The following EYA1 variants were observed in gnomAD, a reference collection of about 807,000 sequenced individuals.
EYA1 encodes the protein protein phosphatase EYA1.
EYA1 carries 16 observed loss-of-function variants against 82.0 expected under a neutral mutation model. That is an observed-to-expected ratio of 0.20 (90% CI 0.13 to 0.30). EYA1 has a LOEUF of 0.30. Among genes scored for constraint, EYA1 ranks in the 10% least tolerant of loss-of-function variants. The pLI is 1.00. For missense variants in EYA1, 633 were observed against 730.7 expected, an observed-to-expected ratio of 0.87 and a Z score of 1.54; for synonymous variants, 261 against 264.4, an observed-to-expected ratio of 0.99 and a Z score of 0.12.
chr8:71,324,373 C>T (rs978450146), intron 4 of EYA1, among the ~76,000 whole-genome samples: 1 of 152,148 alleles, frequency 6.6e-6, no homozygotes, highest in Non-Finnish European at 1.5e-5. Context: ...TGAATTTCAG[C>T]TCAGATTCAA....
intron 11 of EYA1, among the ~76,000 whole-genome samples, chr8:71,245,251 G>C (rs1812938833): frequency 6.6e-6 from 1 of 151,370 alleles, no homozygotes; most frequent in Non-Finnish European, 1.5e-5. Flanking sequence ...TTTTGAGACA[G>C]AGTCTCGCTC....
At chr8:71,384,731 C>T (rs1203122987) in intron 2 of EYA1, among the ~76,000 whole-genome samples, 1 of 152,164 alleles carries the variant, frequency 6.6e-6, no homozygotes, top group Non-Finnish European at 1.5e-5. Context: ...TTAGACAAGA[C>T]TTTTGTGTCT....
chr8:71,205,883 A>C (rs1329309386), intron 17 of EYA1, among the ~76,000 whole-genome samples: 1 of 152,224 alleles, frequency 6.6e-6, no homozygotes, highest in Non-Finnish European at 1.5e-5. Context: ...TAAGAGAGAC[A>C]AGCTAAATAG....
chr8:71,206,629 G>C (rs1226894077), intron 17 of EYA1, among the ~76,000 whole-genome samples: 1 of 152,172 alleles, frequency 6.6e-6, no homozygotes, highest in East Asian at 1.9e-4. Context: ...CACCCTTACA[G>C]TGCCTCAGTT....
intron 2 of EYA1, among the ~76,000 whole-genome samples, chr8:71,505,529 G>A (rs1812135141): frequency 6.6e-6 from 1 of 152,154 alleles, no homozygotes; most frequent in Admixed American, 6.5e-5. Flanking sequence ...ATAGGAGAAG[G>A]CCTGCTCTCC....
At chr8:71,380,747 C>T (rs548613019) in intron 2 of EYA1, among the ~76,000 whole-genome samples, 1 of 152,382 alleles carries the variant, frequency 6.6e-6, no homozygotes, top group African/African-American at 2.4e-5. Flanking sequence ...CATTCTTGTT[C>T]CTATAACCTG....
intron 3 of EYA1, among the ~76,000 whole-genome samples, chr8:71,340,287 TAC>T (rs1339149170): frequency 6.6e-6 from 1 of 152,230 alleles, no homozygotes; most frequent in Admixed American, 6.5e-5. Context: ...ATTTCTTTCA[TAC>T]ACTTTTTATT....
intron 3 of EYA1, among the ~76,000 whole-genome samples, chr8:71,336,343 T>C (rs1160454574): frequency 6.6e-6 from 1 of 152,200 alleles, no homozygotes; most frequent in Non-Finnish European, 1.5e-5. Context: ...GTGAACTTGC[T>C]GGAAATTCTC....
rs1360984923 is a variant in EYA1, at chr8:71,393,531, T to G, written c.34-37020A>C. Among the ~76,000 whole-genome samples, 6 of 152,158 alleles carry G rather than the reference T, an allele frequency of 3.9e-5. No individual in the cohort carries two copies. The East Asian group carries it at 9.6e-4, about 24-fold the overall frequency. On this transcript the variant is annotated intron_variant, in intron 2 of 18. Transcript: ENST00000643681. ...TCATTGTTCAATTCCCACCTATGAG[T>G]GAGAACATGTGGTGTTTGGTTTTCT...
chr8:71,425,239 T>C (rs949627227), intron 2 of EYA1, among the ~76,000 whole-genome samples: 2 of 150,700 alleles, frequency 1.3e-5, no homozygotes, highest in Non-Finnish European at 2.9e-5. Context: ...GCTGAGATCA[T>C]GCCACTGCAC....
intron 10 of EYA1, chr8:71,270,223 G>T (rs1431204222): frequency 1.2e-5 from 2 of 171,736 alleles, no homozygotes; most frequent in South Asian, 1.4e-4. Flanking sequence ...TGTTCATTGA[G>T]AAGCACTAAA....
At chr8:71,244,896 T>C (rs537860240) in intron 11 of EYA1, among the ~76,000 whole-genome samples, 2 of 152,346 alleles carry the variant, frequency 1.3e-5, no homozygotes, top group East Asian at 1.9e-4. Context: ...GAGCCCCAAA[T>C]GTTGATGGTG....
chr8:71,405,349 T>A (rs994628055), intron 2 of EYA1, among the ~76,000 whole-genome samples: 1 of 152,210 alleles, frequency 6.6e-6, no homozygotes, highest in Non-Finnish European at 1.5e-5. Context: ...CCAACCTTTT[T>A]TCGGGATAAT....
intron 7 of EYA1, among the ~76,000 whole-genome samples, chr8:71,312,125 A>G (rs1337635735): frequency 6.6e-6 from 1 of 152,216 alleles, no homozygotes; most frequent in Non-Finnish European, 1.5e-5. Context: ...TGAGTTTTCT[A>G]AGAAGTTTTT....
intron 2 of EYA1, among the ~76,000 whole-genome samples, chr8:71,386,182 T>C (rs967583763): frequency 7.9e-5 from 12 of 152,192 alleles, no homozygotes; most frequent in African/African-American, 2.9e-4. Flanking sequence ...TCTCTGATTG[T>C]CAAAACTCTA....
chr8:71,384,928 G>T (rs1828895521), intron 2 of EYA1, among the ~76,000 whole-genome samples: 1 of 152,116 alleles, frequency 6.6e-6, no homozygotes, highest in Non-Finnish European at 1.5e-5. Flanking sequence ...GTTCACTGAC[G>T]CAATAATTTA....
At chr8:71,374,320 G>A (rs1828244782) in intron 2 of EYA1, among the ~76,000 whole-genome samples, 1 of 152,128 alleles carries the variant, frequency 6.6e-6, no homozygotes, top group African/African-American at 2.4e-5. Context: ...ATAATGGGCA[G>A]AGGACCTAAA....
rs953818761 is a variant in EYA1, at chr8:71,288,816, A to G, written c.826+10231T>C. On this transcript the variant is annotated intron_variant, in intron 9 of 17. Coordinates refer to ENST00000340726, the MANE Select transcript of EYA1 (RefSeq NM_000503.6). ...AAATAGCAGAGAATTATACCCTTAA[A>G]TATCAGCAGTCACATAAAACTGAAA... Among the ~76,000 whole-genome samples, 7 of 152,236 alleles carry G rather than the reference A, an allele frequency of 4.6e-5. No individual in the cohort carries two copies. The South Asian group carries it at 6.2e-4, about 14-fold the overall frequency.
At chr8:71,419,030 G>T (rs547663046) in intron 2 of EYA1, among the ~76,000 whole-genome samples, 5 of 152,316 alleles carry the variant, frequency 3.3e-5, no homozygotes, top group South Asian at 4.1e-4. Flanking sequence ...AGGAGGTTGA[G>T]ATGAGAAGTA....
Sources: allele counts gnomAD v4.1 joint callset (sites outside exome capture counted in the v4.1 genomes callset), GRCh38; gene constraint gnomAD v4.1.1; transcripts MANE v1.5; gene names NCBI Gene and HGNC (gene_info 2026-07-23, HGNC 2026-07-21).